Variants in SCG5 observed in about 807,000 individuals in gnomAD.
SCG5 encodes secretogranin V, also known as neuroendocrine protein 7B2.
SCG5 carries 18 observed loss-of-function variants against 25.7 expected under a neutral mutation model. The observed-to-expected ratio is 0.70, with a 90% CI of 0.48 to 1.04. The LOEUF (loss-of-function observed/expected upper bound fraction) is 1.04. Among genes scored for constraint, SCG5 ranks in the 50% least tolerant of loss-of-function variants. The probability of loss-of-function intolerance (pLI) is 0.00; values close to 1 mark genes in which losing one functional copy is unlikely to be tolerated. For synonymous variants in SCG5, 101 were observed against 91.7 expected (o/e 1.10, Z -0.58); for missense variants, 206 against 259.8 (o/e 0.79, Z 1.42).
In SCG5 at chr15:32,680,103, A is replaced by G. The variant is rs540516681; in HGVS notation, c.376+188A>G. On this transcript the variant is annotated intron_variant, in intron 3 of 5. Coordinates refer to ENST00000300175, the MANE Select transcript of SCG5 (RefSeq NM_001144757.3). Reference sequence around the variant, plus strand: ...TTATATGAGCTCTGTGTTCAGACACACCCACATAGGATTTTCCCTTGCCAA... The same window carrying G: ...TTATATGAGCTCTGTGTTCAGACACGCCCACATAGGATTTTCCCTTGCCAA... Among the ~76,000 whole-genome samples the G allele has an allele frequency of 3.9e-5, 6 of 151,936 alleles. No homozygotes were observed. The East Asian group carries it at 1.2e-3, about 29-fold the overall frequency.
At position 32,692,340 on chromosome 15, in the gene SCG5, T is replaced by G. The variant is rs993681502; in HGVS notation, c.543+577T>G. 36 of 954,318 alleles carry G rather than the reference T, an allele frequency of 3.8e-5. No individual in the cohort carries two copies. The South Asian group carries it at 1.4e-3, about 36-fold the overall frequency. The allele number at this position is 954,318 out of a possible 1,614,324, so 59.1% of individuals were successfully genotyped here. ...CTGTCTGTTGAATTTACTGCAGGCT[T>G]AGTTTTTAACCATCCCAGGGCTGCC... On this transcript the variant is annotated intron_variant, in intron 5 of 5. Coordinates refer to ENST00000300175, the MANE Select transcript of SCG5 (RefSeq NM_001144757.3).
Position 32,681,485 on chromosome 15 carries a change from C to CTTT in SCG5, c.376+1582_376+1584dup, listed in dbSNP as rs61387158. Among the ~76,000 whole-genome samples the CTTT allele has an allele frequency of 2.6e-3, 367 of 140,032 alleles. 2 individuals are homozygous for CTTT. In the East Asian group the frequency reaches 0.031, roughly 12 times the overall value. 91.9% of individuals were successfully genotyped at this position (140,032 alleles called of 152,430 possible). ...CTCAACTTTTTTTCTTTTTCTTTTT[C>CTTT]TTTTTTTTTTTTTTGAGATAGGGTC... On this transcript the variant is annotated intron_variant, in intron 3 of 5. Coordinates refer to ENST00000300175, the MANE Select transcript of SCG5 (RefSeq NM_001144757.3).
At chr15:32,689,918 T>C (rs889325411) in intron 4 of SCG5, among the ~76,000 whole-genome samples, 5 of 150,804 alleles carry the variant, frequency 3.3e-5, no homozygotes, top group African/African-American at 1.2e-4. Context: ...CTCAGCTCAC[T>C]GCAAGCTCTG....
At chr15:32,657,351 G>A (rs1370466527) in intron 2 of SCG5, among the ~76,000 whole-genome samples, 1 of 150,108 alleles carries the variant, frequency 6.7e-6, no homozygotes, top group Non-Finnish European at 1.5e-5. Context: ...TTCCCACCTG[G>A]CCTTAAGTGC....
intron 2 of SCG5, among the ~76,000 whole-genome samples, chr15:32,659,068 C>T (rs140251868): frequency 8.7e-4 from 133 of 152,036 alleles, no homozygotes; most frequent in African/African-American, 2.9e-3. Context: ...CCCAGCTACT[C>T]GGGAGGCTGA....
chr15:32,646,550 G>A (rs933413807), intron 2 of SCG5, among the ~76,000 whole-genome samples: 2 of 152,198 alleles, frequency 1.3e-5, no homozygotes, highest in African/African-American at 2.4e-5. Flanking sequence ...ACTATCCCAT[G>A]ACCTTTTTCG....
intron 2 of SCG5, among the ~76,000 whole-genome samples, chr15:32,654,564 G>C (rs903558693): frequency 1.5e-4 from 23 of 152,204 alleles, no homozygotes; most frequent in Admixed American, 9.8e-4. Context: ...TACAGATGCA[G>C]AAAGTGTTAA....
chr15:32,646,791 CTCA>C (rs758399224), intron 2 of SCG5, among the ~76,000 whole-genome samples: 3 of 152,100 alleles, frequency 2.0e-5, no homozygotes, highest in Non-Finnish European at 2.9e-5. Flanking sequence ...ATTGTTTCAC[CTCA>C]TCCATTTATT....
intron 2 of SCG5, among the ~76,000 whole-genome samples, chr15:32,644,360 G>T (rs1343122568): frequency 1.3e-5 from 2 of 152,010 alleles, no homozygotes; most frequent in African/African-American, 4.8e-5. Flanking sequence ...GACAAAAGAG[G>T]TACTGACATT....
intron 2 of SCG5, among the ~76,000 whole-genome samples, chr15:32,657,790 T>C (rs1238918751): frequency 1.3e-5 from 2 of 152,200 alleles, no homozygotes; most frequent in African/African-American, 2.4e-5. Context: ...AATTACTGAG[T>C]GCCTACTACA....
chr15:32,645,007 G>C (rs941007240), intron 2 of SCG5, among the ~76,000 whole-genome samples: 1 of 152,192 alleles, frequency 6.6e-6, no homozygotes. Flanking sequence ...GTTGACATTT[G>C]ATTTCAGGAG....
chr15:32,648,785 A>ATTTTT (rs1263631676), intron 2 of SCG5, among the ~76,000 whole-genome samples: 5 of 140,028 alleles, frequency 3.6e-5, no homozygotes, highest in South Asian at 2.2e-4. Context: ...TTTTTTTTTA[A>ATTTTT]AAAAAAAACA....
At chr15:32,691,670 A>C (rs763173837) in intron 4 of SCG5, 40 bp from the exon 5 acceptor site, 2 of 1,513,242 alleles carry the variant, frequency 1.3e-6, no homozygotes, top group Non-Finnish European at 1.8e-6. Flanking sequence ...AATTTGATCC[A>C]TACTTCTGCA....
intron 2 of SCG5, among the ~76,000 whole-genome samples, chr15:32,648,737 A>C (rs1304603575): frequency 6.7e-6 from 1 of 150,248 alleles, no homozygotes. Flanking sequence ...GCCCTGTCTG[A>C]GTAGCACCCC....
At chr15:32,672,976 A>C (rs538642363) in intron 2 of SCG5, 3 of 151,240 alleles carry the variant, frequency 2.0e-5, no homozygotes, top group African/African-American at 7.3e-5. Context: ...TTATGTTCTT[A>C]ATTTCTGACC....
At chr15:32,656,795 G>T (rs2054124594) in intron 2 of SCG5, among the ~76,000 whole-genome samples, 1 of 152,188 alleles carries the variant, frequency 6.6e-6, no homozygotes, top group South Asian at 2.1e-4. Context: ...ACTGTCGAAG[G>T]CGGCTGGAAG....
intron 2 of SCG5, among the ~76,000 whole-genome samples, chr15:32,671,825 C>T (rs1294213165): frequency 6.6e-6 from 1 of 152,098 alleles, no homozygotes; most frequent in East Asian, 1.9e-4. Context: ...CAGGGAGTCC[C>T]AGGCTGTTCT....
At chr15:32,693,114 A>C (rs1238619426) in intron 5 of SCG5, among the ~76,000 whole-genome samples, 1 of 152,198 alleles carries the variant, frequency 6.6e-6, no homozygotes, top group East Asian at 1.9e-4. Flanking sequence ...ACACGGCTTG[A>C]ATATCTCCCT....
At chr15:32,659,204 A>G (rs2054177137) in intron 2 of SCG5, among the ~76,000 whole-genome samples, 1 of 148,552 alleles carries the variant, frequency 6.7e-6, no homozygotes. Context: ...AAAACCAAAA[A>G]AACTGTCAGA....
Sources: allele counts gnomAD v4.1 joint callset (sites outside exome capture counted in the v4.1 genomes callset), GRCh38; gene constraint gnomAD v4.1.1; transcripts MANE v1.5; gene names NCBI Gene and HGNC (gene_info 2026-07-23, HGNC 2026-07-21).